Variants in WIF1 observed in about 807,000 individuals in gnomAD.
WIF1 encodes Wnt inhibitory factor 1.
A neutral mutation model predicts 53.5 loss-of-function variants in WIF1; 35 were observed. The ratio of observed to expected loss-of-function variants is 0.65; its 90% confidence interval spans 0.50 to 0.87. The LOEUF is 0.87. WIF1 is among the 40% of genes least tolerant of loss of function. The probability of loss-of-function intolerance (pLI) is 0.00; values close to 1 mark genes in which losing one functional copy is unlikely to be tolerated. For synonymous variants in WIF1, 171 were observed against 170.4 expected, an observed-to-expected ratio of 1.00 and a Z score of -0.03; for missense variants, 467 against 476.8, an observed-to-expected ratio of 0.98 and a Z score of 0.19.
intron 2 of WIF1, among the ~76,000 whole-genome samples, chr12:65,114,256 G>A (rs1883477049): frequency 6.6e-6 from 1 of 152,044 alleles, no homozygotes; most frequent in Admixed American, 6.6e-5. Flanking sequence ...CAGTCCAACG[G>A]GAAACTTGAG....
At chr12:65,060,424 C>A (rs1354634642) in intron 7 of WIF1, among the ~76,000 whole-genome samples, 1 of 152,084 alleles carries the variant, frequency 6.6e-6, no homozygotes, top group Non-Finnish European at 1.5e-5. Flanking sequence ...CTAGAATGAA[C>A]CCAGGTAAAA....
intron 7 of WIF1, among the ~76,000 whole-genome samples, chr12:65,056,684 A>G (rs2136608528): frequency 1.3e-5 from 2 of 151,882 alleles, no homozygotes; most frequent in East Asian, 1.9e-4. Flanking sequence ...GAATCTTGCT[A>G]TTTTGCCCAG....
chr12:65,086,328 A>G (rs1455056441), intron 2 of WIF1, among the ~76,000 whole-genome samples: 1 of 152,072 alleles, frequency 6.6e-6, no homozygotes, highest in Non-Finnish European at 1.5e-5. Context: ...TCCTCACAGT[A>G]AGCCTGCTCC....
intron 2 of WIF1, among the ~76,000 whole-genome samples, chr12:65,093,756 G>C (rs1055023501): frequency 6.6e-6 from 1 of 152,052 alleles, no homozygotes; most frequent in Non-Finnish European, 1.5e-5. Flanking sequence ...GAAAGTTCCC[G>C]CATGTGGATA....
At position 65,090,141 on chromosome 12, in the gene WIF1, C is replaced by T. The variant is rs75671209; in HGVS notation, c.289-12287G>A. 1.8e-3 allele frequency among the ~76,000 whole-genome samples: 276 copies of T among 152,142 alleles called. 3 individuals are homozygous for T. The highest frequency in any genetic ancestry group is 6.9e-3 in the East Asian group (36 of 5,186). ...CATTTGGGTCCCAGTCAACAGTCAG[C>T]GGGAGATGGGAAAAGGGGCCAACAA... On this transcript the variant is annotated intron_variant, in intron 2 of 9. Transcript: ENST00000286574.
chr12:65,118,969 C>T (rs1397981460), intron 2 of WIF1, among the ~76,000 whole-genome samples: 4 of 152,090 alleles, frequency 2.6e-5, no homozygotes, highest in East Asian at 1.9e-4. Flanking sequence ...TGGAAGGGTG[C>T]AGTTCAAACT....
At chr12:65,111,617 A>G (rs1883432252) in intron 2 of WIF1, among the ~76,000 whole-genome samples, 1 of 152,228 alleles carries the variant, frequency 6.6e-6, no homozygotes. Flanking sequence ...CTCTGTGCCC[A>G]CATCATCACC....
chr12:65,114,515 C>A (rs573912707), intron 2 of WIF1, among the ~76,000 whole-genome samples: 10 of 152,024 alleles, frequency 6.6e-5, no homozygotes, highest in Non-Finnish European at 1.3e-4. Context: ...AGTTCTTAAG[C>A]CTTTGTTATA....
At chr12:65,107,163 G>C (rs1426380589) in intron 2 of WIF1, among the ~76,000 whole-genome samples, 1 of 152,158 alleles carries the variant, frequency 6.6e-6, no homozygotes, top group Non-Finnish European at 1.5e-5. Context: ...CTTTTACATT[G>C]CCATCTGCTG....
chr12:65,118,950 C>T (rs1453419512), intron 2 of WIF1, among the ~76,000 whole-genome samples: 1 of 151,932 alleles, frequency 6.6e-6, no homozygotes, highest in African/African-American at 2.4e-5. Flanking sequence ...GTTACCAAAC[C>T]CTTTCAGATG....
At chr12:65,069,837 T>C (rs976016536) in intron 3 of WIF1, among the ~76,000 whole-genome samples, 2 of 152,202 alleles carry the variant, frequency 1.3e-5, no homozygotes, top group African/African-American at 4.8e-5. Context: ...TGATTATGTA[T>C]ATTTCCAACA....
chr12:65,091,106 T>A (rs1367523487), intron 2 of WIF1, among the ~76,000 whole-genome samples: 1 of 152,094 alleles, frequency 6.6e-6, no homozygotes, highest in Non-Finnish European at 1.5e-5. Flanking sequence ...CTTTAAAATG[T>A]CTTATCAAAC....
chr12:65,060,735 A>G (rs1015442114), intron 7 of WIF1, among the ~76,000 whole-genome samples: 3 of 152,216 alleles, frequency 2.0e-5, no homozygotes, highest in African/African-American at 4.8e-5. Context: ...ATTCAACTAT[A>G]CTTTTTTGTT....
chr12:65,120,663 T>C, intron 1 of WIF1, 107 bp from the exon 2 acceptor site: 1 of 1,319,350 alleles, frequency 7.6e-7, no homozygotes, highest in East Asian at 2.3e-5. Context: ...GTCATTTCTG[T>C]TCACAAGCAT....
At chr12:65,120,255 C>A (rs1049679466) in intron 2 of WIF1, among the ~76,000 whole-genome samples, 162 bp downstream of exon 2, 2 of 152,120 alleles carry the variant, frequency 1.3e-5, no homozygotes, top group Non-Finnish European at 2.9e-5. Context: ...ATTGATATGG[C>A]AACTTGAAAT....
At chr12:65,065,120 A>T (rs1222152404) in intron 6 of WIF1, among the ~76,000 whole-genome samples, 1 of 152,196 alleles carries the variant, frequency 6.6e-6, no homozygotes, top group Non-Finnish European at 1.5e-5. Flanking sequence ...AGTGATTTTT[A>T]ATCCAATACT....
chr12:65,056,205 A>G, intron 7 of WIF1, 79 bp from the exon 8 acceptor site: 1 of 1,391,922 alleles, frequency 7.2e-7, no homozygotes, highest in Non-Finnish European at 1.0e-6. Context: ...AAGGAATTAC[A>G]AGGCTTTGAG....
chr12:65,089,967 C>A (rs948789534), intron 2 of WIF1, among the ~76,000 whole-genome samples: 1 of 151,922 alleles, frequency 6.6e-6, no homozygotes, highest in African/African-American at 2.4e-5. Context: ...AAAACTGTTT[C>A]TAAAAAATGA....
intron 9 of WIF1, among the ~76,000 whole-genome samples, chr12:65,053,379 C>T (rs769162023): frequency 2.6e-4 from 39 of 152,272 alleles, no homozygotes; most frequent in Middle Eastern, 3.4e-3. Flanking sequence ...CCATAATCCC[C>T]GTGTGTCAAG....
Sources: gnomAD v4.1 joint callset for allele counts (sites outside exome capture counted in the v4.1 genomes callset) on GRCh38, gnomAD v4.1.1 for gene constraint, MANE v1.5 for transcripts, NCBI Gene and HGNC (gene_info 2026-07-23, HGNC 2026-07-21) for gene names.